Variants in GRID2 observed in about 807,000 individuals in gnomAD.
The protein encoded by GRID2 is glutamate receptor ionotropic, delta-2.
Under a neutral mutation model 114.8 loss-of-function variants are expected in GRID2, and 33 were observed. The observed-to-expected ratio is 0.29, with a 90% confidence interval of 0.22 to 0.38. The LOEUF (loss-of-function observed/expected upper bound fraction) is 0.38, where lower values mean the gene tolerates loss of function less well. GRID2 is among the 10% of genes least tolerant of loss of function. GRID2 has a pLI of 1.00. For synonymous variants in GRID2, 505 were observed against 449.9 expected (o/e 1.12, Z -1.55); for missense variants, 1,184 against 1,257.7 (o/e 0.94, Z 0.89).
chr4:93,278,321 G>C (rs1752283201), intron 8 of GRID2, among the ~76,000 whole-genome samples: 1 of 151,858 alleles, frequency 6.6e-6, no homozygotes, highest in Non-Finnish European at 1.5e-5. Flanking sequence ...AGAAATGTCT[G>C]GTAGGTAATC....
intron 10 of GRID2, among the ~76,000 whole-genome samples, chr4:93,426,432 T>C (rs1034601056): frequency 1.3e-5 from 2 of 152,166 alleles, no homozygotes; most frequent in Non-Finnish European, 2.9e-5. Flanking sequence ...TCTATATAGA[T>C]AGTGGTTAAA....
chr4:92,715,796 GA>G (rs1203063996), intron 2 of GRID2, among the ~76,000 whole-genome samples: 2 of 152,160 alleles, frequency 1.3e-5, no homozygotes, highest in Non-Finnish European at 2.9e-5. Context: ...GAAATTGTAG[GA>G]GTAAGATGAG....
intron 8 of GRID2, among the ~76,000 whole-genome samples, chr4:93,325,340 C>G (rs1757710899): frequency 6.6e-6 from 1 of 152,002 alleles, no homozygotes; most frequent in African/African-American, 2.4e-5. Flanking sequence ...GCATGTTTTA[C>G]TAATTCTAAA....
intron 8 of GRID2, among the ~76,000 whole-genome samples, chr4:93,310,377 A>C (rs1225429117): frequency 2.6e-5 from 4 of 151,892 alleles, no homozygotes; most frequent in Admixed American, 6.6e-5. Context: ...CACACACACA[A>C]AAAGTTAACC....
chr4:92,528,850 G>C (rs1725173529), intron 1 of GRID2, among the ~76,000 whole-genome samples: 1 of 144,498 alleles, frequency 6.9e-6, no homozygotes, highest in African/African-American at 2.6e-5. Context: ...AAGTCTTGCA[G>C]AAAGGAAGGA....
intron 2 of GRID2, among the ~76,000 whole-genome samples, chr4:92,901,798 A>G (rs902821681): frequency 3.3e-5 from 5 of 151,910 alleles, no homozygotes; most frequent in African/African-American, 1.2e-4. Context: ...TATGTTTACT[A>G]GAAATACTGA....
At chr4:92,490,758 TC>T (rs1723110130) in intron 1 of GRID2, among the ~76,000 whole-genome samples, 1 of 152,022 alleles carries the variant, frequency 6.6e-6, no homozygotes, top group Non-Finnish European at 1.5e-5. Flanking sequence ...CTCTCCAAAG[TC>T]CCCAAATAAA....
chr4:93,086,378 C>A (rs555587650), intron 3 of GRID2, among the ~76,000 whole-genome samples: 4 of 152,176 alleles, frequency 2.6e-5, no homozygotes, highest in African/African-American at 9.7e-5. Context: ...AACAGTTACA[C>A]AAGAGTCGTC....
At chr4:93,538,121 T>C (rs887988439) in intron 13 of GRID2, among the ~76,000 whole-genome samples, 17 of 151,824 alleles carry the variant, frequency 1.1e-4, no homozygotes, top group Non-Finnish European at 1.9e-4. Context: ...AACACTGTTC[T>C]TTAATAAAAA....
At position 93,202,702 on chromosome 4, in the gene GRID2, G is replaced by A. The variant is rs535664054; in HGVS notation, c.736-4702G>A. ...AACTATAAAAACAATCAGGTGAATTGATTTGGGATTTATAATAGTTGTCTT... is the reference window on the plus strand; with the variant it reads ...AACTATAAAAACAATCAGGTGAATTAATTTGGGATTTATAATAGTTGTCTT... On this transcript the variant is annotated intron_variant, in intron 4 of 15. Coordinates refer to ENST00000282020, the MANE Select transcript of GRID2 (RefSeq NM_001510.4). 2.6e-5 allele frequency among the ~76,000 whole-genome samples: 4 copies of A among 152,162 alleles called. No individual in the cohort carries two copies. In the South Asian group the frequency reaches 8.3e-4, roughly 32 times the overall value.
intron 2 of GRID2, among the ~76,000 whole-genome samples, chr4:92,721,828 C>T (rs1435140241): frequency 6.6e-6 from 1 of 152,134 alleles, no homozygotes; most frequent in Middle Eastern, 3.2e-3. Context: ...AACTGGATGA[C>T]ATTTATGCCC....
chr4:93,015,513 T>C (rs1294008989), intron 2 of GRID2, among the ~76,000 whole-genome samples: 2 of 152,154 alleles, frequency 1.3e-5, no homozygotes, highest in Admixed American at 1.3e-4. Flanking sequence ...GTAGTGATCA[T>C]CAAATGGTTT....
At chr4:93,517,110 T>C (rs1729807641) in intron 13 of GRID2, among the ~76,000 whole-genome samples, 1 of 151,992 alleles carries the variant, frequency 6.6e-6, no homozygotes, top group African/African-American at 2.4e-5. Flanking sequence ...GAATTCTACC[T>C]CACACAGTTT....
At chr4:92,658,135 A>G (rs1241408170) in intron 2 of GRID2, among the ~76,000 whole-genome samples, 1 of 151,834 alleles carries the variant, frequency 6.6e-6, no homozygotes. Flanking sequence ...TTACTATGGT[A>G]AAAAATGTTG....
intron 6 of GRID2, among the ~76,000 whole-genome samples, chr4:93,219,120 A>T (rs1744587502): frequency 6.6e-6 from 1 of 152,172 alleles, no homozygotes; most frequent in East Asian, 1.9e-4. Context: ...CATGGATATA[A>T]TTGATGTGAA....
intron 4 of GRID2, among the ~76,000 whole-genome samples, chr4:93,156,333 G>T (rs1465220222): frequency 6.6e-6 from 1 of 151,796 alleles, no homozygotes; most frequent in African/African-American, 2.4e-5. Context: ...ATTAGTAAAA[G>T]ATTTTGTTAG....
At chr4:92,674,354 A>G (rs1445771624) in intron 2 of GRID2, among the ~76,000 whole-genome samples, 2 of 151,790 alleles carry the variant, frequency 1.3e-5, no homozygotes, top group African/African-American at 4.8e-5. Context: ...AGTTCAATAG[A>G]TTGGTCTGTC....
At chr4:93,166,293 C>T (rs1738241964) in intron 4 of GRID2, 3 of 152,142 alleles carry the variant, frequency 2.0e-5, no homozygotes, top group Admixed American at 2.0e-4. Context: ...TTTTCTCAAA[C>T]CCCAACATCT....
chr4:92,566,738 A>G (rs1439606130), intron 1 of GRID2, among the ~76,000 whole-genome samples: 2 of 152,076 alleles, frequency 1.3e-5, no homozygotes, highest in African/African-American at 2.4e-5. Context: ...CTATGTAACT[A>G]TGAAAACTAG....
Sources: allele counts gnomAD v4.1 joint callset (sites outside exome capture counted in the v4.1 genomes callset), GRCh38; gene constraint gnomAD v4.1.1; transcripts MANE v1.5; gene names NCBI Gene and HGNC (gene_info 2026-07-23, HGNC 2026-07-21).